PDE4DIP: variants seen among roughly 807,000 people sequenced by gnomAD.
The protein encoded by PDE4DIP is phosphodiesterase 4D interacting protein.
PDE4DIP carries 59 observed loss-of-function variants against 221.4 expected under a neutral mutation model. The observed-to-expected ratio is 0.27, with a 90% CI of 0.22 to 0.33. The LOEUF is 0.33. PDE4DIP is among the 10% of genes least tolerant of loss of function. The pLI is 1.00. For missense variants in PDE4DIP, 1,036 were observed against 2,154.2 expected (o/e 0.48, Z 10.28); for synonymous variants, 404 against 815.9 (o/e 0.50, Z 8.60).
chr1:149,001,175 TTGAAAC>T (rs782199916), intron 23 of PDE4DIP, among the ~76,000 whole-genome samples: 127 of 152,398 alleles, frequency 8.3e-4, no homozygotes, highest in Admixed American at 2.2e-3. Flanking sequence ...TCCCAATGGT[TTGAAAC>T]TGACTGATGA....
intron 3 of PDE4DIP, among the ~76,000 whole-genome samples, chr1:148,869,773 G>A (rs1688444700): frequency 1.0e-5 from 1 of 96,946 alleles, no homozygotes; most frequent in African/African-American, 4.7e-5. Context: ...ATACTCTTGT[G>A]CTCTAAAAAA....
chr1:148,824,355 C>A (rs1184559894), intron 1 of PDE4DIP, among the ~76,000 whole-genome samples: 1 of 150,334 alleles, frequency 6.7e-6, no homozygotes, highest in East Asian at 1.9e-4. Flanking sequence ...CACAGCACAA[C>A]TGATCTAAAA....
chr1:148,999,943 A>T (rs1291487669), intron 23 of PDE4DIP, among the ~76,000 whole-genome samples: 1 of 149,430 alleles, frequency 6.7e-6, no homozygotes, highest in African/African-American at 2.4e-5. Flanking sequence ...AGTTTTTTTT[A>T]ATATGAAGTT....
At chr1:148,925,555 T>A (rs2046509823) in intron 1 of PDE4DIP, among the ~76,000 whole-genome samples, 1 of 148,224 alleles carries the variant, frequency 6.7e-6, no homozygotes, top group Admixed American at 6.7e-5. Context: ...TCAGTAGGAT[T>A]TAGAACAGAT....
At chr1:148,999,598 T>A (rs1553571980) in intron 23 of PDE4DIP, among the ~76,000 whole-genome samples, 1 of 152,034 alleles carries the variant, frequency 6.6e-6, no homozygotes, top group African/African-American at 2.4e-5. Flanking sequence ...TCTTTTGCTC[T>A]GAATTATCAT....
chr1:148,910,929 T>A (rs2042643591), intron 1 of PDE4DIP, among the ~76,000 whole-genome samples: 1 of 103,584 alleles, frequency 9.7e-6, no homozygotes, highest in Non-Finnish European at 1.9e-5. Flanking sequence ...TTACTGGATA[T>A]ATACCCAAAG....
At chr1:148,934,178 G>T (rs1553473098) in intron 4 of PDE4DIP, among the ~76,000 whole-genome samples, 1 of 151,402 alleles carries the variant, frequency 6.6e-6, no homozygotes, top group African/African-American at 2.4e-5. Context: ...TTCTTTGAAG[G>T]CTTTGTGATA....
intron 21 of PDE4DIP, among the ~76,000 whole-genome samples, chr1:148,988,234 T>C (rs2062264993): frequency 6.6e-6 from 1 of 151,536 alleles, no homozygotes; most frequent in Admixed American, 6.6e-5. Context: ...CCTTCAACTT[T>C]CTCAGTCTTC....
chr1:148,902,863 A>G lies in PDE4DIP; in HGVS notation c.141+12969A>G, dbSNP rs1778582. ...GCAGTTGTGAACTGTGCTGCTATAC[A>G]TATGCGTGTTCAAGTATCTTTTTTG... On this transcript the variant is annotated intron_variant, in intron 1 of 43. Transcript: ENST00000369354. Among the ~76,000 whole-genome samples, 476 of 105,822 alleles carry G rather than the reference A, an allele frequency of 4.5e-3. 4 individuals carry two copies. The highest frequency in any genetic ancestry group is 8.8e-3 in the Middle Eastern group (2 of 228). The allele number at this position is 105,822 out of a possible 152,430, so 69.4% of individuals were successfully genotyped here. A position where few individuals can be genotyped will look rare whatever the true frequency, so the allele number is the denominator to read the frequency against.
chr1:148,818,053 G>A (rs1668227223), intron 1 of PDE4DIP, among the ~76,000 whole-genome samples: 1 of 150,184 alleles, frequency 6.7e-6, no homozygotes, highest in East Asian at 1.9e-4. Flanking sequence ...CTGACCTCAG[G>A]TGATCTGCCC....
intron 5 of PDE4DIP, among the ~76,000 whole-genome samples, chr1:148,941,011 T>A (rs1354647397): frequency 1.6e-5 from 2 of 121,376 alleles, no homozygotes; most frequent in African/African-American, 6.4e-5. Context: ...TCACTTATCA[T>A]CGTGACAACA....
At position 148,910,166 on chromosome 1, in the gene PDE4DIP, TG is replaced by T. The variant is rs2042523863; in HGVS notation, c.142-19030del. On this transcript the variant is annotated intron_variant, in intron 1 of 43. Transcript: ENST00000369354. ...TCCTCATAGAACTTATAGTCTGTCA[TG>T]AGTAGACAGAAAATAAACAATAAAT... Among the ~76,000 whole-genome samples, 2 of 92,502 alleles carry T rather than the reference TG, an allele frequency of 2.2e-5. 1 individual carries two copies. The highest frequency in any genetic ancestry group is 2.2e-4 in the Admixed American group (2 of 8,926). 60.7% of individuals were successfully genotyped at this position (92,502 alleles called of 152,430 possible).
At chr1:148,938,101 T>C in intron 5 of PDE4DIP, 2 of 382,224 alleles carry the variant, frequency 5.2e-6, no homozygotes, top group South Asian at 3.0e-5. Context: ...GACTGGGCTC[T>C]TTTCTCATCT....
chr1:148,838,595 G>A (rs1553375398), intron 1 of PDE4DIP, among the ~76,000 whole-genome samples: 1 of 103,712 alleles, frequency 9.6e-6, no homozygotes, highest in Non-Finnish European at 2.2e-5. Flanking sequence ...AGCAAGTCCT[G>A]CCTCTTTATA....
At chr1:148,978,733 C>T (rs1332785944) in intron 19 of PDE4DIP, among the ~76,000 whole-genome samples, 1 of 152,024 alleles carries the variant, frequency 6.6e-6, no homozygotes, top group Non-Finnish European at 1.5e-5. Context: ...CAGGTGCACA[C>T]CACCACGCCC....
At chr1:148,999,822 C>A (rs1331198615) in intron 23 of PDE4DIP, among the ~76,000 whole-genome samples, 1 of 152,100 alleles carries the variant, frequency 6.6e-6, no homozygotes, top group African/African-American at 2.4e-5. Context: ...CAACCCTCCA[C>A]CCAACCTACA....
chr1:148,979,911 T>C, intron 20 of PDE4DIP, 62 bp downstream of exon 23: 1 of 1,564,642 alleles, frequency 6.4e-7, no homozygotes, highest in Non-Finnish European at 8.7e-7. Context: ...TTTACTATTG[T>C]ATTTATGCCT....
At chr1:148,919,999 A>G (rs1339887789) in intron 1 of PDE4DIP, among the ~76,000 whole-genome samples, 4 of 140,480 alleles carry the variant, frequency 2.8e-5, no homozygotes, top group South Asian at 2.3e-4. Context: ...CTTGAGGTCA[A>G]GGACAATGAT....
intron 1 of PDE4DIP, among the ~76,000 whole-genome samples, chr1:148,815,538 A>C: frequency 2.7e-5 from 2 of 72,732 alleles, no homozygotes; most frequent in Non-Finnish European, 5.9e-5. Context: ...ACACAGCAAG[A>C]CTCTGTCTCA....
Sources: allele counts gnomAD v4.1 joint callset (sites outside exome capture counted in the v4.1 genomes callset), GRCh38; gene constraint gnomAD v4.1.1; transcripts MANE v1.5; gene names NCBI Gene and HGNC (gene_info 2026-07-23, HGNC 2026-07-21).